The following APOB variants were observed in gnomAD, a reference collection of about 807,000 sequenced individuals.
APOB encodes apolipoprotein B-100.
APOB carries 153 observed loss-of-function variants against 314.1 expected under a neutral mutation model. The ratio of observed to expected loss-of-function variants is 0.49; its 90% CI spans 0.43 to 0.56. The LOEUF is 0.56. APOB is among the 20% of genes least tolerant of loss of function. APOB has a pLI of 0.00. For missense variants in APOB, 5,430 were observed against 5,350.7 expected (o/e 1.01, Z -0.46); for synonymous variants, 2,087 against 2,036.4 (o/e 1.02, Z -0.67).
In APOB at chr2:21,010,400, T is replaced by C. The variant is rs761852044; in HGVS notation, c.6468A>G (p.Ile2156Met). ...TKKYRITEND[I>M]QIALDDAKIN... is the part of the protein sequence containing the mutation. ...TTTTGGCATCATCTAATGCAATTTG[T>C]ATATCATTTTCTGTAATTCTATACT... The change falls in exon 26 of 29, where the codon ATA (isoleucine) becomes ATG (methionine). Residue 2156 changes from isoleucine (I) to methionine (M), a missense_variant. By Grantham distance (10) the Ile-to-Met change is conservative (BLOSUM62 1). Around this residue, in one of 3 missense-constraint regions of APOB, gnomAD observed 3,281 missense variants for 3,171.0 expected, o/e 1.03. Transcript: ENST00000233242. 2.5e-6 allele frequency: 4 copies of C among 1,595,154 alleles called. No homozygotes were observed. The highest frequency in any genetic ancestry group is 3.4e-6 in the Non-Finnish European group (4 of 1,169,546).
Position 21,024,974 on chromosome 2 carries a change from G to A in APOB, c.2395C>T (p.Leu799Phe), listed in dbSNP as rs1478500526. The part of the protein sequence containing the change: ...LHDLQLLGKL[L>F]LMGARTLQGI... ...TGCAGAGTGCGGGCACCCATCAGAAGCAGCTTTCCCAGGAGCTGGAGGTCA... is the reference window on the plus strand; with the variant it reads ...TGCAGAGTGCGGGCACCCATCAGAAACAGCTTTCCCAGGAGCTGGAGGTCA... The change falls in exon 16 of 29, where the codon CTT becomes TTT. Residue 799 changes from leucine to phenylalanine, a missense_variant. By Grantham distance (22) the Leu-to-Phe change is conservative (BLOSUM62 0). Coordinates refer to ENST00000233242, the MANE Select transcript of APOB (RefSeq NM_000384.3). 1 of 1,614,070 alleles carries A rather than the reference G, an allele frequency of 6.2e-7. No homozygotes were observed. Among genetic ancestry groups the A allele is most frequent in the East Asian group, 2.2e-5 (1 of 44,888 alleles).
rs941868010 is a variant in APOB at position 21,008,854 on chromosome 2, T to C, written c.8014A>G (p.Ile2672Val). The C allele has an allele frequency of 2.5e-6, 4 of 1,614,000 alleles. No individual in the cohort carries two copies. The African/African-American group carries it at 5.3e-5, about 22-fold the overall frequency. Residue 2672 changes from isoleucine to valine, a missense_variant, in exon 26 of 29, where the codon ATC becomes GTC. Physicochemically the swap from Ile to Val is conservative, Grantham distance 29. Around this residue, in one of 3 missense-constraint regions of APOB, gnomAD observed 3,281 missense variants for 3,171.0 expected, o/e 1.03. Transcript: ENST00000233242. ...AGCATCTGGTCAATGGTTCTGATGA[T>C]CTTTACTTTCATTTCTACAAAGTCA... The part of the protein sequence containing the change: ...TIDFVEMKVK[I>V]IRTIDQMLNS...
chr2:21,010,632 T>C lies in APOB; in HGVS notation c.6236A>G (p.Glu2079Gly), dbSNP rs2103357318. 1.9e-6 allele frequency: 3 copies of C among 1,614,154 alleles called. No homozygotes were observed. Among genetic ancestry groups the C allele is most frequent in the Non-Finnish European group, 2.5e-6 (3 of 1,179,994 alleles). Residue 2079 changes from glutamate (E) to glycine (G), a missense_variant, in exon 26 of 29, where the codon GAA becomes GGA. Transcript: ENST00000233242. ...GGTTTGTCGATTCCTCTCAAAATAT[T>C]CTTGCAAGGTCTCAAAAAATGGGAG... ...INLPFFETLQ[E>G]YFERNRQTII...
At position 21,013,923 on chromosome 2, in the gene APOB, T is replaced by C. The variant is rs184293616; in HGVS notation, c.3843-390A>G. 8.5e-5 allele frequency among the ~76,000 whole-genome samples: 13 copies of C among 152,374 alleles called. No individual in the cohort carries two copies. In the South Asian group the frequency reaches 1.2e-3, roughly 15 times the overall value. ...AAAAGGCTATACCTTACCCAGTTTC[T>C]ATCTTCTCACTGTACCTAGTCTAGC... On this transcript the variant is annotated intron_variant, in intron 24 of 28. Transcript: ENST00000233242.
Position 21,042,604 on chromosome 2 carries a change from T to C in APOB, c.122-128A>G, listed in dbSNP as rs906767980. 2.6e-5 allele frequency: 19 copies of C among 738,010 alleles called. No individual in the cohort carries two copies. In the Admixed American group the frequency reaches 2.6e-4, roughly 10 times the overall value. The allele number at this position is 738,010 out of a possible 1,614,324, so 45.7% of individuals were successfully genotyped here. A position where few individuals can be genotyped will look rare whatever the true frequency, so the allele number is the denominator to read the frequency against. The stretch of plus-strand genomic sequence containing the variant: ...TAATTCAACTCAAATTATTTTTTAA[T>C]TGACTTTATACTTAATTTTCCTTTA... On this transcript the variant is annotated intron_variant, in intron 2 of 28. Transcript: ENST00000233242.
At position 21,009,014 on chromosome 2, in the gene APOB, T is replaced by C; in HGVS notation, c.7854A>G (p.Ile2618Met). Reference protein sequence around the residue: ...QKATFQTPDFIVPLTDLRIPS... With the variant: ...QKATFQTPDFMVPLTDLRIPS... The stretch of plus-strand genomic sequence containing the variant: ...GAATCCTCAAATCTGTTAGGGGGAC[T>C]ATAAAATCAGGTGTCTGGAAGGTAG... Residue 2618 changes from isoleucine (I) to methionine (M), a missense_variant, in exon 26 of 29, where the codon ATA (isoleucine) becomes ATG (methionine). Coordinates refer to ENST00000233242, the MANE Select transcript of APOB (RefSeq NM_000384.3). 1 of 1,614,084 alleles carries C rather than the reference T, an allele frequency of 6.2e-7. No individual in the cohort carries two copies. The highest frequency in any genetic ancestry group is 8.5e-7 in the Non-Finnish European group (1 of 1,179,940).
At position 21,009,929 on chromosome 2, in the gene APOB, A is replaced by C. The variant is rs781271189; in HGVS notation, c.6939T>G (p.Ile2313Met). 7 of 1,613,912 alleles carry C rather than the reference A, an allele frequency of 4.3e-6. No individual in the cohort carries two copies. In the South Asian group the frequency reaches 6.6e-5, roughly 15 times the overall value. Residue 2313 changes from isoleucine to methionine, a missense_variant, in exon 26 of 29, where the codon ATT becomes ATG. By Grantham distance (10) the Ile-to-Met change is conservative (BLOSUM62 1). This residue lies in a region of APOB where 3,281 missense variants were observed against 3,171.0 expected (regional missense o/e 1.03). Transcript: ENST00000233242. ...TAACAAAGTGTTTGACATGCTCAAGAATGTCATTTATTCTTTCAAATGAAA... is the reference window on the plus strand; with the variant it reads ...TAACAAAGTGTTTGACATGCTCAAGCATGTCATTTATTCTTTCAAATGAAA... The part of the protein sequence containing the change: ...TTISFERIND[I>M]LEHVKHFVIN...
chr2:21,013,217 C>A lies in APOB; in HGVS notation c.4159G>T (p.Ala1387Ser), dbSNP rs762470284. 3.1e-6 allele frequency: 5 copies of A among 1,614,128 alleles called. No individual in the cohort carries two copies. The highest frequency in any genetic ancestry group is 3.4e-6 in the Non-Finnish European group (4 of 1,180,020). ...GAGTCAGCCTTCATGTGGTAACGAG[C>A]CCGAAGGCTGAAATGGTCTGTGCTG... ...NTSTDHFSLRARYHMKADSVV... is the reference protein window; with the variant it reads ...NTSTDHFSLRSRYHMKADSVV... Residue 1387 changes from alanine (A) to serine (S), a missense_variant, in exon 25 of 29, where the codon GCT (alanine) becomes TCT (serine). By Grantham distance (99) the Ala-to-Ser change is moderately conservative (BLOSUM62 1). Transcript: ENST00000233242.
rs754870552 is a variant in APOB, at chr2:21,006,476, G to A, written c.10392C>T (p.Phe3464=). The A allele has an allele frequency of 4.3e-6, 7 of 1,613,938 alleles. No homozygotes were observed. The East Asian group carries it at 1.6e-4, about 36-fold the overall frequency. The stretch of plus-strand genomic sequence containing the variant: ...CGGTAGAGTACAGCATTGAAGAATT[G>A]AAATCATACTTAAATTCCATGGAGG... ...VSSSMEFKYD[F]NSSMLYSTAK... The change falls in exon 26 of 29, where the codon TTC becomes TTT. Residue 3464 remains phenylalanine, a synonymous_variant. Transcript: ENST00000233242.
At chr2:21,034,309 A>G (rs1663950642) in intron 8 of APOB, among the ~76,000 whole-genome samples, 1 of 152,218 alleles carries the variant, frequency 6.6e-6, no homozygotes, top group Admixed American at 6.5e-5. Flanking sequence ...CATCTCTACC[A>G]CCTGACATCA....
rs756548320 is a variant in APOB at position 21,004,688 on chromosome 2, G to T, written c.11789-13C>A. 6.1e-5 allele frequency: 96 copies of T among 1,583,670 alleles called. No individual in the cohort carries two copies. In the Admixed American group the frequency reaches 1.5e-3, roughly 25 times the overall value. ...TGTGTTCCCAAAACTGTATAGGAGAGATTTTGTATTTTATTAGATTCATAA... is the reference window on the plus strand; with the variant it reads ...TGTGTTCCCAAAACTGTATAGGAGATATTTTGTATTTTATTAGATTCATAA... On this transcript the variant is annotated splice_polypyrimidine_tract_variant and intron_variant, in intron 26 of 28. Coordinates refer to ENST00000233242, the MANE Select transcript of APOB (RefSeq NM_000384.3).
chr2:21,022,324 G>A (rs1663631215), intron 18 of APOB, among the ~76,000 whole-genome samples: 1 of 152,056 alleles, frequency 6.6e-6, no homozygotes, highest in African/African-American at 2.4e-5. Context: ...GAAAACTAAG[G>A]CAAATCAATG....
chr2:21,003,477 T>A lies in APOB; in HGVS notation c.12088-143A>T, dbSNP rs1032968954. ...AAGGGATTTATCTTTCATATGTCAG[T>A]TCATGTGTTTGTTTTATGGTTAAAT... On this transcript the variant is annotated intron_variant, in intron 28 of 28. Coordinates refer to ENST00000233242, the MANE Select transcript of APOB (RefSeq NM_000384.3). 4 of 765,882 alleles carry A rather than the reference T, an allele frequency of 5.2e-6. No homozygotes were observed. The Admixed American group carries it at 9.2e-5, about 18-fold the overall frequency. The allele number at this position is 765,882 out of a possible 1,614,324, so 47.4% of individuals were successfully genotyped here. A position where few individuals can be genotyped will look rare whatever the true frequency, so the allele number is the denominator to read the frequency against.
At chr2:21,029,595 T>C in intron 12 of APOB, 44 bp downstream of exon 12, 1 of 1,608,970 alleles carries the variant, frequency 6.2e-7, no homozygotes. Flanking sequence ...TCCAAATCCT[T>C]GTTAATAAAC....
rs767731326 is a variant in APOB at position 21,010,411 on chromosome 2, C to T, written c.6457G>A (p.Glu2153Lys). 2 of 1,597,372 alleles carry T rather than the reference C, an allele frequency of 1.3e-6. No homozygotes were observed. Among genetic ancestry groups the T allele is most frequent in the South Asian group, 2.3e-5 (2 of 88,188 alleles). ...TCTAATGCAATTTGTATATCATTTT[C>T]TGTAATTCTATACTTTTTTGTGAGA... ...TALTKKYRIT[E>K]NDIQIALDDA... The change falls in exon 26 of 29, where the codon GAA (glutamate) becomes AAA (lysine). Residue 2153 changes from glutamate (E) to lysine (K), a missense_variant. Glu to Lys is a moderately conservative substitution (Grantham distance 56). Transcript: ENST00000233242.
In APOB at chr2:21,006,823, T is replaced by G. The variant is rs780808003; in HGVS notation, c.10045A>C (p.Thr3349Pro). The G allele has an allele frequency of 1.2e-6, 2 of 1,613,956 alleles. No individual in the cohort carries two copies. Among genetic ancestry groups the G allele is most frequent in the Non-Finnish European group, 1.7e-6 (2 of 1,179,966 alleles). ...YDFSFKSSVI[T>P]LNTNAELFNQ... Reference sequence around the variant, plus strand: ...AAAAGTTCAGCATTGGTATTCAGTGTGATGACACTTGATTTAAAGGAGAAA... The same window carrying G: ...AAAAGTTCAGCATTGGTATTCAGTGGGATGACACTTGATTTAAAGGAGAAA... The change falls in exon 26 of 29, where the codon ACA becomes CCA. Residue 3349 changes from threonine (T) to proline (P), a missense_variant. Thr to Pro is a conservative substitution (Grantham distance 38). Transcript: ENST00000233242.
Position 21,029,652 on chromosome 2 carries a change from T to C in APOB, c.1604A>G (p.Glu535Gly). The C allele has an allele frequency of 6.2e-7, 1 of 1,614,212 alleles. No individual in the cohort carries two copies. Among genetic ancestry groups the C allele is most frequent in the Non-Finnish European group, 8.5e-7 (1 of 1,180,036 alleles). Reference protein sequence around the residue: ...KAAIQALRKMEPKDKDQEVLL... With the variant: ...KAAIQALRKMGPKDKDQEVLL... ...TGTGGACTTTACCTTGTCTTTAGGC[T>C]CCATTTTCCGCAGAGCCTGGATGGC... The change falls in exon 12 of 29, where the codon GAG becomes GGG. Residue 535 changes from glutamate (E) to glycine (G), a missense_variant. By Grantham distance (98) the Glu-to-Gly change is moderately conservative. This residue lies in a region of APOB where 2,085 missense variants were observed against 2,079.7 expected (regional missense o/e 1.00). Transcript: ENST00000233242.
At position 21,019,909 on chromosome 2, in the gene APOB, G is replaced by A. The variant is rs756255215; in HGVS notation, c.2817-4C>T. On this transcript the variant is annotated splice_polypyrimidine_tract_variant and splice_region_variant and intron_variant, in intron 18 of 28. Coordinates refer to ENST00000233242, the MANE Select transcript of APOB (RefSeq NM_000384.3). Reference sequence around the variant, plus strand: ...AGAGACCAAATGTAATGTGTTGCTGGTGAAGAACAAAAATACCTGAGTTAT... The same window carrying A: ...AGAGACCAAATGTAATGTGTTGCTGATGAAGAACAAAAATACCTGAGTTAT... The A allele has an allele frequency of 3.7e-6, 6 of 1,613,948 alleles. No homozygotes were observed. Among genetic ancestry groups the A allele is most frequent in the Non-Finnish European group, 5.1e-6 (6 of 1,179,952 alleles).
At chr2:21,030,333 CA>C (rs1219942655) in intron 10 of APOB, among the ~76,000 whole-genome samples, 1 of 152,036 alleles carries the variant, frequency 6.6e-6, no homozygotes, top group Non-Finnish European at 1.5e-5. Flanking sequence ...ACAAAATTGA[CA>C]AAAACATACA....
Sources: gnomAD v4.1 joint callset for allele counts (sites outside exome capture counted in the v4.1 genomes callset) on GRCh38, gnomAD v4.1.1 for gene constraint, gnomAD v4.1.1 regional missense constraint, MANE v1.5 for transcripts, NCBI Gene and HGNC (gene_info 2026-07-23, HGNC 2026-07-21) for gene names.